Variants in TET2 observed in about 807,000 individuals in gnomAD.
The protein encoded by TET2 is tet methylcytosine dioxygenase 2.
A neutral mutation model predicts 142.9 loss-of-function variants in TET2; 299 were observed. The ratio of observed to expected loss-of-function variants is 2.09; its 90% confidence interval spans 1.90 to 2.30. The LOEUF (loss-of-function observed/expected upper bound fraction) is 2.30. TET2 is among the 30% of genes most tolerant of loss of function. The pLI is 0.00. For missense variants in TET2, 2,418 were observed against 2,378.0 expected (o/e 1.02, Z -0.35); for synonymous variants, 819 against 849.0 (o/e 0.96, Z 0.61).
rs141767226 is a variant in TET2 at position 105,175,313 on chromosome 4, G to A, written c.-192-15047G>A. Among the ~76,000 whole-genome samples, 522 of 152,166 alleles carry A rather than the reference G, an allele frequency of 3.4e-3. 1 individual carries two copies. Among genetic ancestry groups the A allele is most frequent in the Admixed American group, 6.0e-3 (92 of 15,278 alleles). Reference sequence around the variant, plus strand: ...TTTATAAAAAACTATGGTTAATATGGTGAGGGATTAAAAAAATGACATACA... The same window carrying A: ...TTTATAAAAAACTATGGTTAATATGATGAGGGATTAAAAAAATGACATACA... On this transcript the variant is annotated intron_variant, in intron 1 of 10. Coordinates refer to ENST00000380013, the MANE Select transcript of TET2 (RefSeq NM_001127208.3).
At chr4:105,158,627 T>A (rs1723680658) in intron 1 of TET2, among the ~76,000 whole-genome samples, 1 of 152,186 alleles carries the variant, frequency 6.6e-6, no homozygotes, top group Non-Finnish European at 1.5e-5. Context: ...CCATAATATC[T>A]CAGTTTACAC....
chr4:105,212,543 C>T (rs945224726), intron 2 of TET2, among the ~76,000 whole-genome samples: 2 of 152,098 alleles, frequency 1.3e-5, no homozygotes, highest in Admixed American at 1.3e-4. Flanking sequence ...ATCATTTATG[C>T]ATACTAAATC....
chr4:105,154,182 G>A (rs949681424), intron 1 of TET2, among the ~76,000 whole-genome samples: 5 of 152,200 alleles, frequency 3.3e-5, no homozygotes, highest in African/African-American at 1.2e-4. Context: ...TGGTGATGAT[G>A]AAAATGTTCT....
chr4:105,242,076 C>G, intron 4 of TET2: 1 of 1,211,750 alleles, frequency 8.3e-7, no homozygotes, highest in Non-Finnish European at 1.0e-6. Flanking sequence ...TGTTCTTCTT[C>G]TAGGGTGCCT....
intron 2 of TET2, among the ~76,000 whole-genome samples, chr4:105,220,678 T>C (rs1469976014): frequency 1.3e-5 from 2 of 152,208 alleles, no homozygotes; most frequent in Admixed American, 1.3e-4. Context: ...TGGCATTGAC[T>C]GGCTATTGGA....
chr4:105,165,601 T>G (rs1473827667), intron 1 of TET2, among the ~76,000 whole-genome samples: 1 of 152,224 alleles, frequency 6.6e-6, no homozygotes, highest in Non-Finnish European at 1.5e-5. Flanking sequence ...ATCATGTATA[T>G]CTATTGAATT....
At chr4:105,228,174 A>C (rs923772861) in intron 2 of TET2, among the ~76,000 whole-genome samples, 4 of 152,146 alleles carry the variant, frequency 2.6e-5, no homozygotes, top group African/African-American at 9.6e-5. Flanking sequence ...TTTAGCACAT[A>C]TTAAAGTAAA....
At chr4:105,151,260 A>G (rs1157237232) in intron 1 of TET2, among the ~76,000 whole-genome samples, 1 of 152,188 alleles carries the variant, frequency 6.6e-6, no homozygotes, top group Non-Finnish European at 1.5e-5. Flanking sequence ...GTTCTAACTT[A>G]TAGTGAGCTC....
intron 1 of TET2, among the ~76,000 whole-genome samples, chr4:105,182,915 A>C (rs1014007354): frequency 1.1e-4 from 17 of 152,188 alleles, no homozygotes; most frequent in African/African-American, 3.9e-4. Context: ...TCCTTAGATG[A>C]AGATATTTGG....
chr4:105,161,748 A>G (rs961034340), intron 1 of TET2, among the ~76,000 whole-genome samples: 4 of 152,242 alleles, frequency 2.6e-5, no homozygotes, highest in Non-Finnish European at 4.4e-5. Context: ...TTGAAGGGGC[A>G]AGCATGCAAT....
At chr4:105,163,805 TCGAGAG>T (rs1362422037) in intron 1 of TET2, among the ~76,000 whole-genome samples, 1 of 83,020 alleles carries the variant, frequency 1.2e-5, no homozygotes, top group Non-Finnish European at 2.4e-5. Context: ...CTCGAAAGTT[TCGAGAG>T]AGAGAGAGAG....
intron 1 of TET2, among the ~76,000 whole-genome samples, chr4:105,165,248 C>T (rs1343150388): frequency 1.2e-4 from 18 of 151,972 alleles, no homozygotes; most frequent in African/African-American, 3.4e-4. Flanking sequence ...TGGTGGTGGG[C>T]GCCTGTAATT....
chr4:105,243,828 G>A, intron 6 of TET2, 50 bp downstream of exon 6: 2 of 1,497,712 alleles, frequency 1.3e-6, no homozygotes, highest in Non-Finnish European at 1.8e-6. Context: ...TGATAGGAAA[G>A]CCCAATCTTT....
At chr4:105,213,478 C>T (rs959403511) in intron 2 of TET2, among the ~76,000 whole-genome samples, 1 of 152,198 alleles carries the variant, frequency 6.6e-6, no homozygotes, top group Non-Finnish European at 1.5e-5. Flanking sequence ...CTAATTTCTA[C>T]CACATCTGTA....
chr4:105,152,185 G>A (rs1052421361), intron 1 of TET2, among the ~76,000 whole-genome samples: 4 of 152,160 alleles, frequency 2.6e-5, no homozygotes, highest in Non-Finnish European at 5.9e-5. Context: ...GCTGATACAG[G>A]AGAATTGCTT....
At chr4:105,162,808 G>A (rs1723926113) in intron 1 of TET2, among the ~76,000 whole-genome samples, 1 of 152,016 alleles carries the variant, frequency 6.6e-6, no homozygotes, top group Non-Finnish European at 1.5e-5. Flanking sequence ...ATCACTGTTT[G>A]TATAGAACTA....
In TET2 at chr4:105,276,158, C is replaced by A; in HGVS notation, c.5648C>A (p.Thr1883Lys). 1 of 1,551,602 alleles carries A rather than the reference C, an allele frequency of 6.4e-7. No individual in the cohort carries two copies. The highest frequency in any genetic ancestry group is 8.7e-7 in the Non-Finnish European group (1 of 1,146,974). The change falls in exon 11 of 11, where the codon ACA becomes AAA. Residue 1883 changes from threonine (T) to lysine (K), a missense_variant. Physicochemically the swap from Thr to Lys is moderately conservative, Grantham distance 78 (BLOSUM62 -1). Transcript: ENST00000380013. ...TGTGCAAAGCGTGAGCTGCATGCCACAACCCCTTTAAAGAATCCCAATAGG... is the reference window on the plus strand; with the variant it reads ...TGTGCAAAGCGTGAGCTGCATGCCAAAACCCCTTTAAAGAATCCCAATAGG... The part of the protein sequence containing the change: ...IECAKRELHA[T>K]TPLKNPNRNH...
chr4:105,174,370 G>C (rs2110427631), intron 1 of TET2, among the ~76,000 whole-genome samples: 1 of 152,068 alleles, frequency 6.6e-6, no homozygotes, highest in South Asian at 2.1e-4. Flanking sequence ...GATGACATAT[G>C]GTTAAAAAGT....
In TET2 at chr4:105,236,210, AC is replaced by A. The variant is rs754483815; in HGVS notation, c.2269del (p.Leu757SerfsTer56). The A allele has an allele frequency of 6.2e-7, 1 of 1,614,040 alleles. No individual in the cohort carries two copies. Among genetic ancestry groups the A allele is most frequent in the Non-Finnish European group, 8.5e-7 (1 of 1,180,008 alleles). ...TACAAATAAAGAATAAAGAGGAAATACTCCAGACTTTTCCTCACCCCCAAAG... is the reference window on the plus strand; with the variant it reads ...TACAAATAAAGAATAAAGAGGAAATATCCAGACTTTTCCTCACCCCCAAAG... Reference protein sequence around the residue: ...KLQIKNKEEILQTFPHPQSNN... With the variant: ...KLQIKNKEEIXQTFPHPQSNN... On this transcript the variant is annotated frameshift_variant, in exon 3 of 11. Transcript: ENST00000380013. LOFTEE classifies it high-confidence loss of function.
Sources: allele counts gnomAD v4.1 joint callset (sites outside exome capture counted in the v4.1 genomes callset), GRCh38; gene constraint gnomAD v4.1.1; transcripts MANE v1.5; gene names NCBI Gene and HGNC (gene_info 2026-07-23, HGNC 2026-07-21).